RNF152: variants seen among roughly 807,000 people sequenced by gnomAD.
RNF152 encodes ring finger protein 152, also known as E3 ubiquitin-protein ligase RNF152.
Under a neutral mutation model 12.7 loss-of-function variants are expected in RNF152, and 11 were observed. That is an observed-to-expected ratio of 0.86 (90% CI 0.54 to 1.43). The LOEUF (loss-of-function observed/expected upper bound fraction) is 1.43, where lower values mean the gene tolerates loss of function less well. RNF152 is among the 40% of genes most tolerant of loss of function. The pLI is 0.00. For synonymous variants in RNF152, 113 were observed against 120.3 expected (o/e 0.94, Z 0.40); for missense variants, 255 against 274.8 (o/e 0.93, Z 0.51).
chr18:61,824,284 TC>T (rs1909555545), intron 1 of RNF152, among the ~76,000 whole-genome samples: 1 of 152,164 alleles, frequency 6.6e-6, no homozygotes. Flanking sequence ...TCCTATTTCC[TC>T]CCCTGACAAA....
chr18:61,874,622 G>T (rs1243126041), intron 1 of RNF152, among the ~76,000 whole-genome samples: 1 of 152,196 alleles, frequency 6.6e-6, no homozygotes, highest in Non-Finnish European at 1.5e-5. Context: ...AGATGGTGAG[G>T]TATATCGGAG....
chr18:61,839,666 C>T (rs1000778414), intron 1 of RNF152, among the ~76,000 whole-genome samples: 12 of 152,146 alleles, frequency 7.9e-5, no homozygotes, highest in South Asian at 2.1e-4. Context: ...GAGGCTGAGG[C>T]GGGCGGATCA....
chr18:61,813,425 C>A lies in RNF152; in HGVS notation c.*2427G>T, dbSNP rs951060064. On this transcript the variant is annotated 3_prime_UTR_variant, in exon 2 of 2. Transcript: ENST00000312828. Reference sequence around the variant, plus strand: ...GGTCAGTAAGACTCACAAAAAAAATCTGATTTTGGTTGTTGTTGTTAAATT... The same window carrying A: ...GGTCAGTAAGACTCACAAAAAAAATATGATTTTGGTTGTTGTTGTTAAATT... 6.6e-6 allele frequency: 1 copy of A among 152,072 alleles called. No homozygotes were observed. Among genetic ancestry groups the A allele is most frequent in the Non-Finnish European group, 1.5e-5 (1 of 68,018 alleles). 9.4% of individuals were successfully genotyped at this position (152,072 alleles called of 1,614,324 possible).
rs117830723 is a variant in RNF152, at chr18:61,883,913, T to C, written c.-136+8882A>G. On this transcript the variant is annotated intron_variant, in intron 1 of 1. Transcript: ENST00000312828. ...CAGAGCCACTGAAAGCTTTACAGAC[T>C]TTCAAACCAAAGACTCTGACAATAA... Among the ~76,000 whole-genome samples the C allele has an allele frequency of 8.6e-3, 1,313 of 152,248 alleles. 10 individuals are homozygous for C. Among genetic ancestry groups the C allele is most frequent in the Non-Finnish European group, 0.014 (982 of 68,016 alleles).
chr18:61,834,942 A>G (rs967286536), intron 1 of RNF152, among the ~76,000 whole-genome samples: 4 of 152,226 alleles, frequency 2.6e-5, no homozygotes, highest in African/African-American at 9.6e-5. Context: ...GTCCCACTGC[A>G]AAGATCTGCA....
chr18:61,841,440 C>A (rs1054824328), intron 1 of RNF152, among the ~76,000 whole-genome samples: 12 of 152,294 alleles, frequency 7.9e-5, no homozygotes, highest in Non-Finnish European at 1.5e-4. Context: ...AATTTATACT[C>A]TTTATTTAAG....
At chr18:61,883,539 C>T (rs545870759) in intron 1 of RNF152, among the ~76,000 whole-genome samples, 1 of 152,164 alleles carries the variant, frequency 6.6e-6, no homozygotes, top group Non-Finnish European at 1.5e-5. Flanking sequence ...CTCTACAAAG[C>T]CTGCTTCAGG....
At chr18:61,846,419 G>A (rs751863039) in intron 1 of RNF152, among the ~76,000 whole-genome samples, 23 of 152,008 alleles carry the variant, frequency 1.5e-4, no homozygotes, top group South Asian at 6.2e-4. Context: ...CAATCTCATC[G>A]CTACATTGAG....
intron 1 of RNF152, among the ~76,000 whole-genome samples, chr18:61,819,647 A>C (rs1909279784): frequency 6.6e-6 from 1 of 152,148 alleles, no homozygotes; most frequent in Non-Finnish European, 1.5e-5. Flanking sequence ...CATGAAGAGA[A>C]ATACAATGAG....
At chr18:61,848,070 T>A (rs1910815251) in intron 1 of RNF152, among the ~76,000 whole-genome samples, 1 of 152,150 alleles carries the variant, frequency 6.6e-6, no homozygotes, top group South Asian at 2.1e-4. Context: ...CCCCAGAACA[T>A]AAGCCCCACT....
chr18:61,882,938 G>T (rs1254120386), intron 1 of RNF152, among the ~76,000 whole-genome samples: 2 of 152,050 alleles, frequency 1.3e-5, no homozygotes, highest in African/African-American at 4.8e-5. Flanking sequence ...TCAAACAAAA[G>T]ACAAAGCAAC....
chr18:61,892,021 GGTTAC>G (rs1183766673), intron 1 of RNF152, among the ~76,000 whole-genome samples: 2 of 152,162 alleles, frequency 1.3e-5, no homozygotes, highest in African/African-American at 4.8e-5. Context: ...TAAGTCTGAA[GGTTAC>G]GTTTTTTCAT....
chr18:61,892,409 T>C (rs559139209), intron 1 of RNF152, among the ~76,000 whole-genome samples: 1 of 152,304 alleles, frequency 6.6e-6, no homozygotes, highest in Admixed American at 6.5e-5. Flanking sequence ...AGCCTTCCAA[T>C]GATACCTTTT....
intron 1 of RNF152, among the ~76,000 whole-genome samples, chr18:61,859,542 G>A (rs1311893272): frequency 1.3e-5 from 2 of 152,178 alleles, no homozygotes; most frequent in African/African-American, 4.8e-5. Flanking sequence ...GTGTGGGGCA[G>A]GGGAATGGGT....
chr18:61,833,901 T>C (rs1345911040), intron 1 of RNF152, among the ~76,000 whole-genome samples: 1 of 149,256 alleles, frequency 6.7e-6, no homozygotes, highest in Non-Finnish European at 1.5e-5. Flanking sequence ...AAAAGTTTCA[T>C]CCACAAGATA....
chr18:61,846,793 C>T (rs572849768), intron 1 of RNF152, among the ~76,000 whole-genome samples: 1 of 152,230 alleles, frequency 6.6e-6, no homozygotes, highest in East Asian at 1.9e-4. Flanking sequence ...CAAAGCCAGA[C>T]AATGCAATGC....
chr18:61,875,519 G>A (rs1458718956), intron 1 of RNF152, among the ~76,000 whole-genome samples: 2 of 152,052 alleles, frequency 1.3e-5, no homozygotes, highest in East Asian at 3.9e-4. Context: ...TCTCTCCCTG[G>A]TGGCAAGGTG....
intron 1 of RNF152, among the ~76,000 whole-genome samples, chr18:61,823,693 G>T (rs887848658): frequency 1.3e-5 from 2 of 152,246 alleles, no homozygotes; most frequent in African/African-American, 4.8e-5. Flanking sequence ...GGCAGAGGCA[G>T]GCAGGATGGG....
At chr18:61,841,077 C>T (rs1177609870) in intron 1 of RNF152, among the ~76,000 whole-genome samples, 1 of 152,216 alleles carries the variant, frequency 6.6e-6, no homozygotes, top group East Asian at 1.9e-4. Context: ...CATGGAGCAG[C>T]AGTTCATGGG....
Sources: allele counts gnomAD v4.1 joint callset (sites outside exome capture counted in the v4.1 genomes callset), GRCh38; gene constraint gnomAD v4.1.1; transcripts MANE v1.5; gene names NCBI Gene and HGNC (gene_info 2026-07-23, HGNC 2026-07-21).